USH2A: variants seen among roughly 807,000 people sequenced by gnomAD.
USH2A encodes usherin.
USH2A carries 443 observed loss-of-function variants against 538.9 expected under a neutral mutation model. The ratio of observed to expected loss-of-function variants is 0.82; its 90% confidence interval spans 0.76 to 0.89. The LOEUF is 0.89. Among genes scored for constraint, USH2A ranks in the 40% least tolerant of loss-of-function variants. The pLI is 0.00. For synonymous variants in USH2A, 2,413 were observed against 2,273.5 expected (o/e 1.06, Z -1.75); for missense variants, 6,633 against 6,324.8 (o/e 1.05, Z -1.65).
At chr1:215,810,469 T>C (rs1427961205) in intron 49 of USH2A, among the ~76,000 whole-genome samples, 1 of 152,114 alleles carries the variant, frequency 6.6e-6, no homozygotes, top group Non-Finnish European at 1.5e-5. Context: ...TTTTCATTAG[T>C]TTTAAGGGAC....
chr1:216,252,240 A>T (rs2036176860), intron 11 of USH2A, among the ~76,000 whole-genome samples: 1 of 152,222 alleles, frequency 6.6e-6, no homozygotes, highest in South Asian at 2.1e-4. Context: ...TAAAATGTCA[A>T]ATAAATATGA....
chr1:216,207,715 T>C (rs1230979436), intron 15 of USH2A, among the ~76,000 whole-genome samples: 7 of 444 alleles, frequency 0.016, no homozygotes, highest in Middle Eastern at 0.5. Context: ...TTCTTTGCCT[T>C]TTTTTTTTTT....
chr1:216,267,735 G>A (rs1439586761), intron 11 of USH2A, among the ~76,000 whole-genome samples: 2 of 151,992 alleles, frequency 1.3e-5, no homozygotes, highest in African/African-American at 4.8e-5. Flanking sequence ...AATTCCTTAA[G>A]GTCTAGCTTG....
chr1:216,212,918 G>C (rs2035271595), intron 15 of USH2A, among the ~76,000 whole-genome samples: 2 of 151,916 alleles, frequency 1.3e-5, no homozygotes, highest in Non-Finnish European at 2.9e-5. Flanking sequence ...TTCTATCTTA[G>C]CATCCTAATA....
At chr1:215,963,619 T>C (rs565611550) in intron 37 of USH2A, among the ~76,000 whole-genome samples, 37 of 152,224 alleles carry the variant, frequency 2.4e-4, no homozygotes, top group African/African-American at 8.9e-4. Flanking sequence ...AGGAGATAAA[T>C]GGCTGGTTTT....
At chr1:215,765,003 T>C (rs1661089229) in intron 56 of USH2A, among the ~76,000 whole-genome samples, 1 of 152,032 alleles carries the variant, frequency 6.6e-6, no homozygotes, top group African/African-American at 2.4e-5. Context: ...ATCAAGGGCA[T>C]TTCTCATATC....
chr1:215,792,613 G>A (rs548279430), intron 50 of USH2A, among the ~76,000 whole-genome samples: 5 of 152,194 alleles, frequency 3.3e-5, no homozygotes, highest in East Asian at 1.9e-4. Flanking sequence ...GATGTCTGAC[G>A]TGCACTAACT....
At position 216,299,121 on chromosome 1, in the gene USH2A, C is replaced by T. The variant is rs371434956; in HGVS notation, c.1645-6751G>A. On this transcript the variant is annotated intron_variant, in intron 9 of 71. Transcript: ENST00000307340. The stretch of plus-strand genomic sequence containing the variant: ...CCTCCCAAAGTGCTAGGTTTACAGG[C>T]GTGAGCCACCGTGCCTGTCCGAGAA... Among the ~76,000 whole-genome samples, 167 of 152,138 alleles carry T rather than the reference C, an allele frequency of 1.1e-3. 4 individuals are homozygous for T. The highest frequency in any genetic ancestry group is 3.8e-3 in the African/African-American group (159 of 41,532).
Position 215,898,951 on chromosome 1 carries a change from A to G in USH2A, c.7594+1124T>C, listed in dbSNP as rs75074996. Among the ~76,000 whole-genome samples, 590 of 152,312 alleles carry G rather than the reference A, an allele frequency of 3.9e-3. 5 individuals are homozygous for G. The highest frequency in any genetic ancestry group is 0.014 in the African/African-American group (566 of 41,576). ...ACAAAAACACTGAGTGTCCCCTTGC[A>G]AAGTAGCTAACTTTCTCCCAGGGAG... On this transcript the variant is annotated intron_variant, in intron 40 of 71. Coordinates refer to ENST00000307340, the MANE Select transcript of USH2A (RefSeq NM_206933.4).
intron 9 of USH2A, among the ~76,000 whole-genome samples, chr1:216,304,170 C>T (rs1194342109): frequency 6.6e-6 from 1 of 152,000 alleles, no homozygotes; most frequent in Non-Finnish European, 1.5e-5. Flanking sequence ...ATATTCCACT[C>T]CGCTAATAAT....
chr1:215,707,724 A>G (rs1659219696), intron 61 of USH2A, among the ~76,000 whole-genome samples: 1 of 152,232 alleles, frequency 6.6e-6, no homozygotes, highest in South Asian at 2.1e-4. Flanking sequence ...CTAAATGGAA[A>G]GGAATAAAAG....
At chr1:216,000,286 A>C (rs1668235611) in intron 33 of USH2A, 117 bp downstream of exon 33, 1 of 1,381,200 alleles carries the variant, frequency 7.2e-7, no homozygotes, top group Non-Finnish European at 1.0e-6. Context: ...TGAACTAATC[A>C]CTTCTATGCA....
chr1:216,250,013 T>A (rs1471229423), intron 12 of USH2A, among the ~76,000 whole-genome samples: 1 of 152,112 alleles, frequency 6.6e-6, no homozygotes, highest in Non-Finnish European at 1.5e-5. Context: ...AGGTCTTTTT[T>A]AAACTTCCTA....
At chr1:216,030,711 G>A (rs1337053615) in intron 32 of USH2A, among the ~76,000 whole-genome samples, 1 of 149,616 alleles carries the variant, frequency 6.7e-6, no homozygotes, top group African/African-American at 2.4e-5. Context: ...TTCAATTTAA[G>A]ATAGCTATCA....
intron 38 of USH2A, among the ~76,000 whole-genome samples, chr1:215,907,506 C>T (rs958513145): frequency 1.3e-5 from 2 of 152,004 alleles, no homozygotes; most frequent in African/African-American, 2.4e-5. Flanking sequence ...TTTGAGAATG[C>T]CTTTTAAACT....
chr1:216,106,634 G>T (rs2032742396), intron 21 of USH2A, among the ~76,000 whole-genome samples: 1 of 149,022 alleles, frequency 6.7e-6, no homozygotes, highest in Admixed American at 6.7e-5. Context: ...ATCAATTCTG[G>T]GCTTTGCTTT....
At chr1:215,988,541 C>A (rs1227842020) in intron 35 of USH2A, among the ~76,000 whole-genome samples, 1 of 152,144 alleles carries the variant, frequency 6.6e-6, no homozygotes, top group Non-Finnish European at 1.5e-5. Context: ...ATTGCTACAT[C>A]ATCTAATAAT....
At chr1:216,186,702 G>T (rs192165812) in intron 20 of USH2A, among the ~76,000 whole-genome samples, 77 of 151,924 alleles carry the variant, frequency 5.1e-4, no homozygotes, top group African/African-American at 1.8e-3. Flanking sequence ...GTTATAATTG[G>T]CATGGATGTG....
intron 3 of USH2A, among the ~76,000 whole-genome samples, chr1:216,414,513 A>G (rs935878214): frequency 6.6e-6 from 1 of 151,756 alleles, no homozygotes; most frequent in Non-Finnish European, 1.5e-5. Flanking sequence ...ATTTAAAATA[A>G]TTTTTTTTCT....
Sources: allele counts gnomAD v4.1 joint callset (sites outside exome capture counted in the v4.1 genomes callset), GRCh38; gene constraint gnomAD v4.1.1; transcripts MANE v1.5; gene names NCBI Gene and HGNC (gene_info 2026-07-23, HGNC 2026-07-21).